Variants in SLCO1B3 observed in about 807,000 individuals in gnomAD.
SLCO1B3 encodes liver-specific organic anion transporter 2.
A neutral mutation model predicts 71.8 loss-of-function variants in SLCO1B3; 72 were observed. That is an observed-to-expected ratio of 1.00 (90% CI 0.83 to 1.22). The LOEUF is 1.22. Among genes scored for constraint, SLCO1B3 ranks in the 50% most tolerant of loss-of-function variants. SLCO1B3 has a pLI of 0.00. For synonymous variants in SLCO1B3, 298 were observed against 278.4 expected (o/e 1.07, Z -0.70); for missense variants, 911 against 819.7 (o/e 1.11, Z -1.36).
chr12:20,880,987 A>G lies in SLCO1B3; in HGVS notation c.1464A>G (p.Gly488=). 1.9e-6 allele frequency: 3 copies of G among 1,611,654 alleles called. No homozygotes were observed. Among genetic ancestry groups the G allele is most frequent in the African/African-American group, 2.7e-5 (2 of 74,936 alleles). The change falls in exon 12 of 16, where the codon GGA becomes GGG. Residue 488 remains glycine, a synonymous_variant. Coordinates refer to ENST00000381545, the MANE Select transcript of SLCO1B3 (RefSeq NM_019844.4). ...GITYLSPCLA[G]CKSSSGIKKH... ...CTTACCTGTCACCTTGTCTAGCAGG[A>G]TGCAAATCCTCAAGTGGTATTAAAA...
At chr12:20,816,081 G>T (rs1464852626) in intron 3 of SLCO1B3, among the ~76,000 whole-genome samples, 2 of 152,094 alleles carry the variant, frequency 1.3e-5, no homozygotes, top group Non-Finnish European at 1.5e-5. Context: ...ATTTTTGTGG[G>T]TATGTAGTAG....
chr12:20,915,848 G>A (rs1363654150), intron 15 of SLCO1B3, among the ~76,000 whole-genome samples, 156 bp from the exon 16 acceptor site: 1 of 151,998 alleles, frequency 6.6e-6, no homozygotes, highest in South Asian at 2.1e-4. Context: ...AATATCTTAT[G>A]CCCCCAATGA....
At chr12:20,865,222 A>T (rs563216786) in intron 8 of SLCO1B3, among the ~76,000 whole-genome samples, 18 of 152,164 alleles carry the variant, frequency 1.2e-4, no homozygotes, top group Non-Finnish European at 2.4e-4. Flanking sequence ...CTTAGCATGT[A>T]TAATGGAGTT....
intron 2 of SLCO1B3, among the ~76,000 whole-genome samples, chr12:20,814,754 T>G (rs932741909): frequency 4.0e-5 from 6 of 151,840 alleles, no homozygotes; most frequent in Non-Finnish European, 7.4e-5. Context: ...AGCCGGGCGT[T>G]GTGGCACGCA....
At chr12:20,821,694 T>C (rs947887294) in intron 3 of SLCO1B3, among the ~76,000 whole-genome samples, 19 of 151,200 alleles carry the variant, frequency 1.3e-4, no homozygotes, top group Non-Finnish European at 2.8e-4. Flanking sequence ...AGAGAAGGGG[T>C]TGGGGTACTT....
chr12:20,820,152 G>A (rs1864266073), intron 3 of SLCO1B3, among the ~76,000 whole-genome samples: 1 of 152,108 alleles, frequency 6.6e-6, no homozygotes, highest in African/African-American at 2.4e-5. Flanking sequence ...AGGTAATGTG[G>A]AGTGGGTAGC....
intron 13 of SLCO1B3, among the ~76,000 whole-genome samples, chr12:20,888,879 G>T (rs1232933578): frequency 6.6e-6 from 1 of 151,804 alleles, no homozygotes; most frequent in Non-Finnish European, 1.5e-5. Context: ...TGCCTAGTTT[G>T]GTAAGTGTTT....
At chr12:20,867,528 A>G (rs1040754039) in intron 8 of SLCO1B3, among the ~76,000 whole-genome samples, 6 of 152,186 alleles carry the variant, frequency 3.9e-5, no homozygotes, top group Non-Finnish European at 7.4e-5. Context: ...ACAGAAGACA[A>G]CTTGATGGAG....
intron 12 of SLCO1B3, among the ~76,000 whole-genome samples, 177 bp from the exon 13 acceptor site, chr12:20,883,241 T>G (rs767279531): frequency 9.2e-5 from 14 of 152,326 alleles, no homozygotes; most frequent in African/African-American, 2.4e-4. Flanking sequence ...CACTAATTTC[T>G]TAAATTCCTA....
intron 13 of SLCO1B3, among the ~76,000 whole-genome samples, chr12:20,895,018 T>A (rs1865976141): frequency 6.6e-6 from 1 of 152,142 alleles, no homozygotes. Flanking sequence ...AAAGTACGCA[T>A]TATAAAGCAA....
At chr12:20,909,419 C>T (rs947903185) in intron 15 of SLCO1B3, among the ~76,000 whole-genome samples, 6 of 151,578 alleles carry the variant, frequency 4.0e-5, no homozygotes, top group South Asian at 4.2e-4. Context: ...GTGATCCGCC[C>T]GCCTTGGCCT....
Position 20,912,038 on chromosome 12 carries a change from A to G in SLCO1B3, c.1866-3966A>G, listed in dbSNP as rs1458598301. On this transcript the variant is annotated intron_variant, in intron 15 of 15. Transcript: ENST00000381545. ...AAATGATTGATTTAAGATATTCTTC[A>G]TTTATCTCTAATTCTGCTTTCACTG... Among the ~76,000 whole-genome samples, 3 of 152,066 alleles carry G rather than the reference A, an allele frequency of 2.0e-5. No homozygotes were observed. The East Asian group carries it at 5.8e-4, about 29-fold the overall frequency.
chr12:20,883,506 CT>C lies in SLCO1B3; in HGVS notation c.1588del (p.Cys530ValfsTer14). 1 of 1,604,400 alleles carries C rather than the reference CT, an allele frequency of 6.2e-7. No homozygotes were observed. The highest frequency in any genetic ancestry group is 8.5e-7 in the Non-Finnish European group (1 of 1,175,480). On this transcript the variant is annotated frameshift_variant, in exon 13 of 16. Coordinates refer to ENST00000381545, the MANE Select transcript of SLCO1B3 (RefSeq NM_019844.4). LOFTEE classifies it high-confidence loss of function. ...AHLGECPRDN[T>X]CTRKFFIYVA... ...TTGGGTGAATGCCCAAGAGATAATA[CT>C]TGTACAAGGAAATTTTTCATCTATG...
intron 9 of SLCO1B3, among the ~76,000 whole-genome samples, chr12:20,876,837 AT>A (rs568686579): frequency 7.4e-5 from 11 of 148,892 alleles, no homozygotes; most frequent in South Asian, 4.3e-4. Context: ...CAATTGATGA[AT>A]TTTTTTTTTT....
intron 8 of SLCO1B3, among the ~76,000 whole-genome samples, chr12:20,868,059 T>C (rs1865406872): frequency 6.6e-6 from 1 of 152,204 alleles, no homozygotes; most frequent in Admixed American, 6.5e-5. Context: ...CTTGTGATTT[T>C]CTAAATGTCA....
intron 3 of SLCO1B3, among the ~76,000 whole-genome samples, chr12:20,837,995 T>C (rs1864718604): frequency 6.6e-6 from 1 of 152,122 alleles, no homozygotes; most frequent in African/African-American, 2.4e-5. Flanking sequence ...CTTCATAGAA[T>C]TTGATGCTCT....
intron 13 of SLCO1B3, among the ~76,000 whole-genome samples, chr12:20,897,393 G>T (rs1471166431): frequency 6.6e-6 from 1 of 152,184 alleles, no homozygotes; most frequent in Non-Finnish European, 1.5e-5. Flanking sequence ...ATGAAACTGA[G>T]GTTTAGAGTG....
chr12:20,826,369 TA>T (rs1438413527), intron 3 of SLCO1B3, among the ~76,000 whole-genome samples: 1 of 152,116 alleles, frequency 6.6e-6, no homozygotes, highest in Non-Finnish European at 1.5e-5. Flanking sequence ...TGGGACACAA[TA>T]AAAGTTGAAC....
Position 20,858,494 on chromosome 12 carries a change from G to A in SLCO1B3, c.282G>A (p.Pro94=), listed in dbSNP as rs762672865. 1.7e-5 allele frequency: 27 copies of A among 1,596,428 alleles called. No homozygotes were observed. The highest frequency in any genetic ancestry group is 2.2e-5 in the East Asian group (1 of 44,722). The change falls in exon 5 of 16, where the codon CCG becomes CCA. Residue 94 remains proline (P), a synonymous_variant. Transcript: ENST00000381545. ...VSYFGSKLHR[P]KLIGIGCLLM... The stretch of plus-strand genomic sequence containing the variant: ...ACTTTGGATCTAAACTACACAGACC[G>A]AAGTTAATTGGAATTGGTTGTCTCC...
Sources: gnomAD v4.1 joint callset for allele counts (sites outside exome capture counted in the v4.1 genomes callset) on GRCh38, gnomAD v4.1.1 for gene constraint, MANE v1.5 for transcripts, NCBI Gene and HGNC (gene_info 2026-07-23, HGNC 2026-07-21) for gene names.